The following ANKRD44 variants were observed in gnomAD, a reference collection of about 807,000 sequenced individuals.
ANKRD44 encodes the protein ankyrin repeat domain 44, also known as serine/threonine-protein phosphatase 6 regulatory ankyrin repeat subunit B.
Under a neutral mutation model 116.0 loss-of-function variants are expected in ANKRD44, and 35 were observed. That is an observed-to-expected ratio of 0.30 (90% confidence interval 0.23 to 0.40). The LOEUF is 0.40. ANKRD44 is among the 10% of genes least tolerant of loss of function. The pLI, the probability that ANKRD44 is intolerant of heterozygous loss-of-function variation, is 1.00. For missense variants in ANKRD44, 1,014 were observed against 1,242.6 expected (o/e 0.82, Z 2.77); for synonymous variants, 435 against 461.8 (o/e 0.94, Z 0.74).
intron 16 of ANKRD44, among the ~76,000 whole-genome samples, chr2:197,037,474 G>C (rs2076829580): frequency 6.6e-6 from 1 of 152,166 alleles, no homozygotes; most frequent in African/African-American, 2.4e-5. Flanking sequence ...CTATGTAGTA[G>C]GCATTCAATA....
downstream of ANKRD44, among the ~76,000 whole-genome samples, chr2:196,985,760 T>G (rs146789291): frequency 5.8e-3 from 889 of 152,284 alleles, 7 homozygotes; most frequent in African/African-American, 0.02. Flanking sequence ...CCAAGTCTCT[T>G]CGTCAATAGC....
intron 13 of ANKRD44, among the ~76,000 whole-genome samples, chr2:197,084,266 C>T (rs1001888061): frequency 6.6e-6 from 1 of 152,126 alleles, no homozygotes; most frequent in African/African-American, 2.4e-5. Context: ...CCCTACATCC[C>T]CCCTACCTTT....
At chr2:197,163,075 C>T (rs62279228) in intron 2 of ANKRD44, among the ~76,000 whole-genome samples, 8,680 of 152,238 alleles carry the variant, frequency 0.057, 349 homozygotes, top group South Asian at 0.095. Flanking sequence ...ATAGCAACCA[C>T]CTCAGTCCAT....
chr2:197,089,746 G>A (rs2078000921), intron 11 of ANKRD44, among the ~76,000 whole-genome samples: 1 of 152,282 alleles, frequency 6.6e-6, no homozygotes, highest in East Asian at 1.9e-4. Context: ...TCATTCTGGG[G>A]CAGGAATAAT....
intron 1 of ANKRD44, among the ~76,000 whole-genome samples, chr2:197,239,625 T>G (rs1308818984): frequency 6.6e-6 from 1 of 152,230 alleles, no homozygotes; most frequent in Non-Finnish European, 1.5e-5. Context: ...CACAGATTAC[T>G]CAATGCAAGA....
intron 21 of ANKRD44, among the ~76,000 whole-genome samples, chr2:197,003,153 C>CA (rs112739121): frequency 0.031 from 4,369 of 139,070 alleles, 101 homozygotes; most frequent in African/African-American, 0.07. Context: ...CTAAAAATAC[C>CA]AAAAAAAAAA....
intron 16 of ANKRD44, among the ~76,000 whole-genome samples, chr2:197,051,987 C>T (rs548460313): frequency 7.7e-4 from 117 of 152,070 alleles, no homozygotes; most frequent in Non-Finnish European, 1.4e-3. Flanking sequence ...AAATTATTCC[C>T]GTTTAAACTT....
At chr2:197,186,088 C>A (rs1250710889) in intron 2 of ANKRD44, among the ~76,000 whole-genome samples, 2 of 152,090 alleles carry the variant, frequency 1.3e-5, no homozygotes, top group African/African-American at 4.8e-5. Context: ...AAATATTATT[C>A]TTCTCTTGAT....
chr2:197,167,440 C>A (rs1009020355), intron 2 of ANKRD44, among the ~76,000 whole-genome samples: 3 of 152,140 alleles, frequency 2.0e-5, no homozygotes, highest in African/African-American at 7.2e-5. Flanking sequence ...AATCTACATA[C>A]CTTACATCAA....
intron 1 of ANKRD44, among the ~76,000 whole-genome samples, chr2:197,205,166 C>T (rs1380536851): frequency 6.6e-6 from 1 of 152,182 alleles, no homozygotes; most frequent in East Asian, 1.9e-4. Context: ...GAGTAAGGTC[C>T]AGGAGTGTGT....
intron 1 of ANKRD44, among the ~76,000 whole-genome samples, chr2:197,246,139 T>C (rs190731812): frequency 6.6e-6 from 1 of 152,244 alleles, no homozygotes; most frequent in Non-Finnish European, 1.5e-5. Context: ...TATAATCCCA[T>C]GAATGACTGT....
chr2:197,034,386 G>A (rs542913603), intron 16 of ANKRD44, among the ~76,000 whole-genome samples: 25 of 150,866 alleles, frequency 1.7e-4, no homozygotes, highest in African/African-American at 5.9e-4. Context: ...ACATCTTCAT[G>A]GTTACCGACA....
chr2:196,989,382 A>C lies in ANKRD44; in HGVS notation c.*209T>G. On this transcript the variant is annotated 3_prime_UTR_variant, in exon 28 of 28. Transcript: ENST00000282272. ...TAAAATACAACAAAGACTGGTACAC[A>C]GAAAGATTACATTTAACTCCATAAA... 8.7e-7 allele frequency: 1 copy of C among 1,151,906 alleles called. No individual in the cohort carries two copies. Among genetic ancestry groups the C allele is most frequent in the Non-Finnish European group, 1.1e-6 (1 of 935,130 alleles). The allele number at this position is 1,151,906 out of a possible 1,614,324, so 71.4% of individuals were successfully genotyped here. A position where few individuals can be genotyped will look rare whatever the true frequency, so the allele number is the denominator to read the frequency against.
chr2:196,973,081 G>A (rs1216300349), intron 21 of ANKRD44, among the ~76,000 whole-genome samples: 1 of 152,262 alleles, frequency 6.6e-6, no homozygotes, highest in Admixed American at 6.5e-5. Context: ...CACTACCACT[G>A]TAGGAGAGTT....
chr2:197,225,357 T>C (rs1176517427), intron 1 of ANKRD44, among the ~76,000 whole-genome samples: 3 of 152,218 alleles, frequency 2.0e-5, no homozygotes, highest in African/African-American at 7.2e-5. Context: ...GTTGTTGTTG[T>C]TGTTGAGACT....
At chr2:197,206,314 CAT>C (rs1317873185) in intron 1 of ANKRD44, among the ~76,000 whole-genome samples, 1 of 152,316 alleles carries the variant, frequency 6.6e-6, no homozygotes, top group East Asian at 1.9e-4. Flanking sequence ...TGAAAACAAA[CAT>C]AGTCTCTGCT....
chr2:197,107,923 T>G (rs1368921269), intron 9 of ANKRD44, among the ~76,000 whole-genome samples: 5 of 152,194 alleles, frequency 3.3e-5, no homozygotes, highest in Admixed American at 3.3e-4. Context: ...TTAAAAAATG[T>G]CAAATGGAAG....
intron 16 of ANKRD44, among the ~76,000 whole-genome samples, chr2:197,039,690 T>TGTGC (rs1195628773): frequency 3.7e-5 from 1 of 27,200 alleles, no homozygotes; most frequent in Non-Finnish European, 6.8e-5. Context: ...CGTGTGTGTG[T>TGTGC]GTGTGTGTGT....
chr2:197,186,612 CTTTTTTTT>C (rs149107038), intron 2 of ANKRD44, among the ~76,000 whole-genome samples: 156 of 50,796 alleles, frequency 3.1e-3, no homozygotes, highest in South Asian at 8.0e-3. Flanking sequence ...GCTAATTTTT[CTTTTTTTT>C]TTTTTTTTTT....
Sources: allele counts gnomAD v4.1 joint callset (sites outside exome capture counted in the v4.1 genomes callset), GRCh38; gene constraint gnomAD v4.1.1; transcripts MANE v1.5; gene names NCBI Gene and HGNC (gene_info 2026-07-23, HGNC 2026-07-21).